The following HNRNPA1L2 variants were observed in gnomAD, a reference collection of about 807,000 sequenced individuals.
The protein encoded by HNRNPA1L2 is heterogeneous nuclear ribonucleoprotein A1-like 2.
In HNRNPA1L2, 10 loss-of-function variants were observed where a neutral mutation model predicts 18.2. That is an observed-to-expected ratio of 0.55 (90% CI 0.34 to 0.93). The LOEUF is 0.93. Ranked by LOEUF, HNRNPA1L2 falls within the 40% of genes least tolerant of loss-of-function variation. HNRNPA1L2 has a pLI of 0.02. For missense variants in HNRNPA1L2, 308 were observed against 394.4 expected (o/e 0.78, Z 1.85); for synonymous variants, 124 against 138.6 (o/e 0.89, Z 0.74).
At chr13:52,629,101 C>A in the HNRNPA1L2 span, 2 of 152,252 alleles carry the variant, frequency 1.3e-5, no homozygotes, top group African/African-American at 4.8e-5. Flanking sequence ...GTCTTGAACT[C>A]CTGACCTCAG....
At chr13:52,640,830 C>T (rs944850035), upstream of HNRNPA1L2, 1 of 152,278 alleles carries the variant, frequency 6.6e-6, no homozygotes, top group Admixed American at 6.5e-5. Context: ...CCTGGTATTT[C>T]TTAAGATTCC....
the HNRNPA1L2 span, among the ~76,000 whole-genome samples, chr13:52,634,171 T>A: frequency 6.6e-6 from 1 of 152,108 alleles, no homozygotes; most frequent in Non-Finnish European, 1.5e-5. Context: ...TTGTGTATGA[T>A]AAAAAGGAAA....
upstream of HNRNPA1L2, among the ~76,000 whole-genome samples, chr13:52,639,132 A>T (rs1200651883): frequency 1.3e-5 from 2 of 152,300 alleles, no homozygotes; most frequent in Non-Finnish European, 2.9e-5. Flanking sequence ...ATAGTTGCAA[A>T]GGCGATGCAC....
At chr13:52,638,011 A>G (rs1193491977), upstream of HNRNPA1L2, among the ~76,000 whole-genome samples, 4 of 152,200 alleles carry the variant, frequency 2.6e-5, no homozygotes, top group African/African-American at 9.6e-5. Flanking sequence ...TACAAAAACA[A>G]GCAAACAAAG....
At chr13:52,627,540 G>A in the HNRNPA1L2 span, 1 of 155,514 alleles carries the variant, frequency 6.4e-6, no homozygotes, top group African/African-American at 2.4e-5. Context: ...GCATGAGGAA[G>A]AGTCAGGGGC....
the HNRNPA1L2 span, among the ~76,000 whole-genome samples, chr13:52,635,271 A>G: frequency 2.0e-5 from 3 of 152,180 alleles, no homozygotes; most frequent in East Asian, 1.9e-4. Context: ...ATTTGTTGAC[A>G]TGCTTTAGGG....
At chr13:52,633,221 A>G in the HNRNPA1L2 span, among the ~76,000 whole-genome samples, 2 of 152,374 alleles carry the variant, frequency 1.3e-5, no homozygotes, top group East Asian at 3.9e-4. Flanking sequence ...GCAGCTTGCT[A>G]TCTAGAAGAG....
At position 52,643,567 on chromosome 13, in the gene HNRNPA1L2, T is replaced by TA; in HGVS notation, c.*113dup. ...CACAGTGGTGGCAGGGCCTAGCTGC[T>TA]ACAAAGAAGACATGTTTTAGACAAA... On this transcript the variant is annotated 3_prime_UTR_variant, in exon 1 of 1. Transcript: ENST00000357495. 1.2e-6 allele frequency: 1 copy of TA among 804,512 alleles called. No individual in the cohort carries two copies. The highest frequency in any genetic ancestry group is 2.1e-6 in the Non-Finnish European group (1 of 481,240). 49.8% of individuals were successfully genotyped at this position (804,512 alleles called of 1,614,324 possible). A position where few individuals can be genotyped will look rare whatever the true frequency, so the allele number is the denominator to read the frequency against.
chr13:52,639,694 C>CAAAAAAA (rs10661534), upstream of HNRNPA1L2, among the ~76,000 whole-genome samples: 38 of 73,530 alleles, frequency 5.2e-4, 1 homozygote, highest in South Asian at 2.1e-3. Context: ...GACCCTGTCT[C>CAAAAAAA]AAAAAAAAAA....
chr13:52,628,082 T>C, the HNRNPA1L2 span, among the ~76,000 whole-genome samples: 2 of 152,158 alleles, frequency 1.3e-5, no homozygotes, highest in East Asian at 3.9e-4. Flanking sequence ...GTAACACTGC[T>C]TCATTTTGGA....
upstream of HNRNPA1L2, chr13:52,641,799 C>T (rs945806454): frequency 3.3e-5 from 5 of 152,122 alleles, no homozygotes; most frequent in Non-Finnish European, 7.3e-5. Flanking sequence ...GACATAATAG[C>T]AATTAGAATA....
chr13:52,640,166 C>T (rs1223197770), upstream of HNRNPA1L2, among the ~76,000 whole-genome samples: 1 of 152,126 alleles, frequency 6.6e-6, no homozygotes, highest in Non-Finnish European at 1.5e-5. Flanking sequence ...GTCTCCAACT[C>T]CTGGGCTCAA....
the HNRNPA1L2 span, among the ~76,000 whole-genome samples, chr13:52,628,102 A>G: frequency 6.6e-6 from 1 of 152,188 alleles, no homozygotes; most frequent in Non-Finnish European, 1.5e-5. Context: ...AGAGTGATCT[A>G]AATCTGTTAT....
At chr13:52,637,699 G>A (rs1178705043), upstream of HNRNPA1L2, among the ~76,000 whole-genome samples, 1 of 152,038 alleles carries the variant, frequency 6.6e-6, no homozygotes, top group Non-Finnish European at 1.5e-5. Context: ...TCAACATAAC[G>A]CGGTATTTCA....
At chr13:52,638,875 A>G (rs1961548068), upstream of HNRNPA1L2, among the ~76,000 whole-genome samples, 1 of 152,236 alleles carries the variant, frequency 6.6e-6, no homozygotes, top group Admixed American at 6.5e-5. Flanking sequence ...GGAAGAACAA[A>G]TAGCTGCTGG....
At chr13:52,618,920 G>C in the HNRNPA1L2 span, among the ~76,000 whole-genome samples, 1 of 152,200 alleles carries the variant, frequency 6.6e-6, no homozygotes, top group Non-Finnish European at 1.5e-5. Flanking sequence ...TATGAAAGCA[G>C]TCTTGAAAGG....
At chr13:52,625,920 G>C in the HNRNPA1L2 span, among the ~76,000 whole-genome samples, 1 of 151,932 alleles carries the variant, frequency 6.6e-6, no homozygotes, top group Non-Finnish European at 1.5e-5. Flanking sequence ...GGGACTGTAG[G>C]CATGTGCCAC....
At chr13:52,639,890 T>G (rs557784126), upstream of HNRNPA1L2, among the ~76,000 whole-genome samples, 88 of 128,692 alleles carry the variant, frequency 6.8e-4, 1 homozygote, top group Admixed American at 1.8e-3. Flanking sequence ...TTTTTTTTTT[T>G]TTTTTGTTTT....
At chr13:52,635,999 G>T in the HNRNPA1L2 span, among the ~76,000 whole-genome samples, 1 of 152,130 alleles carries the variant, frequency 6.6e-6, no homozygotes, top group Admixed American at 6.5e-5. Flanking sequence ...ACCATGCCCA[G>T]CTAATTTTTG....
Sources: gnomAD v4.1 joint callset for allele counts (sites outside exome capture counted in the v4.1 genomes callset) on GRCh38, gnomAD v4.1.1 for gene constraint, MANE v1.5 for transcripts, NCBI Gene and HGNC (gene_info 2026-07-23, HGNC 2026-07-21) for gene names.